Variants in ETS1 observed in about 807,000 individuals in gnomAD.
The protein encoded by ETS1 is ETS proto-oncogene 1, transcription factor.
In ETS1, 15 loss-of-function variants were observed where a neutral mutation model predicts 58.6. That is an observed-to-expected ratio of 0.26 (90% CI 0.17 to 0.39). The LOEUF is 0.39. Ranked by LOEUF, ETS1 falls within the 10% of genes least tolerant of loss-of-function variation. ETS1 has a pLI of 1.00. For missense variants in ETS1, 417 were observed against 610.5 expected (o/e 0.68, Z 3.34); for synonymous variants, 214 against 218.2 (o/e 0.98, Z 0.17).
rs1436364938 is a variant in ETS1 at position 128,460,460 on chromosome 11, A to C, written c.*1901T>G. On this transcript the variant is annotated 3_prime_UTR_variant, in exon 10 of 10. Transcript: ENST00000392668. ...AAAGATATGCTAGAAAGTAGTTAGT[A>C]CTTCCAATTTCTCATCCAAATCCCA... is the stretch of plus-strand genomic sequence containing the variant. The C allele has an allele frequency of 6.6e-6, 1 of 152,596 alleles. No homozygotes were observed. The highest frequency in any genetic ancestry group is 1.5e-5 in the Non-Finnish European group (1 of 68,046). The allele number at this position is 152,596 out of a possible 1,614,324, so 9.5% of individuals were successfully genotyped here.
At chr11:128,515,633 A>G (rs1863503312) in intron 3 of ETS1, among the ~76,000 whole-genome samples, 1 of 152,168 alleles carries the variant, frequency 6.6e-6, no homozygotes, top group Non-Finnish European at 1.5e-5. Context: ...AGCCCCAGTT[A>G]ATGTCTGTCA....
intron 3 of ETS1, among the ~76,000 whole-genome samples, chr11:128,533,962 T>A (rs1863936497): frequency 6.6e-6 from 1 of 152,226 alleles, no homozygotes; most frequent in South Asian, 2.1e-4. Flanking sequence ...TTATACCAAA[T>A]GTGATCTAAG....
rs1032202209 is a variant in ETS1, at chr11:128,464,611, G to A, written c.1124-984C>T. On this transcript the variant is annotated intron_variant, in intron 8 of 9. Coordinates refer to ENST00000392668, the MANE Select transcript of ETS1 (RefSeq NM_001143820.2). The surrounding 1 kb of genome is among the most constrained non-coding windows in gnomAD (Gnocchi z 4.1). ...CCTTATAACATAAACAAACTGGGCA[G>A]AGCGGGACTGGGAAAGACCCAGTCC... Among the ~76,000 whole-genome samples, 1 of 152,140 alleles carries A rather than the reference G, an allele frequency of 6.6e-6. No homozygotes were observed. Among genetic ancestry groups the A allele is most frequent in the Non-Finnish European group, 1.5e-5 (1 of 68,022 alleles).
At chr11:128,471,628 G>C (rs1002631717) in intron 8 of ETS1, among the ~76,000 whole-genome samples, 1 of 152,170 alleles carries the variant, frequency 6.6e-6, no homozygotes, top group African/African-American at 2.4e-5. Context: ...CTAGGTAACC[G>C]GTTCTTTTAA....
At chr11:128,501,255 G>A (rs1241584367) in intron 3 of ETS1, among the ~76,000 whole-genome samples, 1 of 152,058 alleles carries the variant, frequency 6.6e-6, no homozygotes, top group Non-Finnish European at 1.5e-5. Flanking sequence ...GGTGAACATC[G>A]TGCTTCTCAG....
chr11:128,565,058 A>AAATAAATAAAAT (rs374454292), intron 2 of ETS1, among the ~76,000 whole-genome samples: 3 of 142,856 alleles, frequency 2.1e-5, no homozygotes, highest in Non-Finnish European at 4.7e-5. Flanking sequence ...ATAAATAAAT[A>AAATAAATAAAAT]AAATAAATGT....
In ETS1 at chr11:128,463,807, C is replaced by T. The variant is rs1399487432; in HGVS notation, c.1124-180G>A. On this transcript the variant is annotated intron_variant, in intron 8 of 9. Transcript: ENST00000392668. The surrounding 1 kb of genome is among the most constrained non-coding windows in gnomAD (Gnocchi z 4.1). ...TATGAGCTCGAACAGATAGAAAAGA[C>T]AAAGGCCTCCCTATAAAACAAAAGC... 4.3e-6 allele frequency: 2 copies of T among 468,256 alleles called. No individual in the cohort carries two copies. The highest frequency in any genetic ancestry group is 4.0e-5 in the African/African-American group (2 of 50,622). The allele number at this position is 468,256 out of a possible 1,614,324, so 29.0% of individuals were successfully genotyped here.
intron 1 of ETS1, among the ~76,000 whole-genome samples, chr11:128,579,526 T>C (rs1033767722): frequency 6.6e-6 from 1 of 151,888 alleles, no homozygotes; most frequent in African/African-American, 2.4e-5. Flanking sequence ...CCAGGTGTGG[T>C]GGTACATGCC....
intron 3 of ETS1, among the ~76,000 whole-genome samples, chr11:128,541,174 T>C (rs531605705): frequency 6.6e-6 from 1 of 152,322 alleles, no homozygotes; most frequent in South Asian, 2.1e-4. Context: ...GCAGCTTGGC[T>C]GTGTCCGTCT....
intron 8 of ETS1, among the ~76,000 whole-genome samples, chr11:128,472,440 G>A (rs1288090694): frequency 2.6e-5 from 4 of 152,170 alleles, no homozygotes; most frequent in Admixed American, 6.5e-5. Flanking sequence ...AGCCCATCAC[G>A]GACTACTGAG....
intron 3 of ETS1, among the ~76,000 whole-genome samples, chr11:128,491,039 G>A (rs1005944231): frequency 1.3e-5 from 2 of 151,920 alleles, no homozygotes; most frequent in Admixed American, 6.6e-5. Flanking sequence ...ACATTTAAGG[G>A]GCTTTCCACA....
In ETS1 at chr11:128,463,202, G is replaced by A. The variant is rs1450785006; in HGVS notation, c.1242+307C>T. Reference sequence around the variant, plus strand: ...GTCTGGCCCCTTTCACACTCACAGAGCCACCGGGCTAGGAAGAGGCTAAGT... The same window carrying A: ...GTCTGGCCCCTTTCACACTCACAGAACCACCGGGCTAGGAAGAGGCTAAGT... On this transcript the variant is annotated intron_variant, in intron 9 of 9. Coordinates refer to ENST00000392668, the MANE Select transcript of ETS1 (RefSeq NM_001143820.2). The surrounding 1 kb of genome is among the most constrained non-coding windows in gnomAD (Gnocchi z 4.1). 6.6e-6 allele frequency among the ~76,000 whole-genome samples: 1 copy of A among 152,186 alleles called. No individual in the cohort carries two copies. Among genetic ancestry groups the A allele is most frequent in the African/African-American group, 2.4e-5 (1 of 41,426 alleles).
rs1336281149 is a variant in ETS1, at chr11:128,461,306, A to G, written c.*1055T>C. 6.5e-6 allele frequency: 1 copy of G among 152,818 alleles called. No homozygotes were observed. The highest frequency in any genetic ancestry group is 1.5e-5 in the Non-Finnish European group (1 of 68,044). The allele number at this position is 152,818 out of a possible 1,614,324, so 9.5% of individuals were successfully genotyped here. On this transcript the variant is annotated 3_prime_UTR_variant, in exon 10 of 10. Transcript: ENST00000392668. ...GCTTTTATTCCAAGTCATCTATGCT[A>G]CAGATATAGGACTAAGAAAGAACCA...
Position 128,464,775 on chromosome 11 carries a change from C to T in ETS1, c.1124-1148G>A, listed in dbSNP as rs1861989849. Among the ~76,000 whole-genome samples the T allele has an allele frequency of 6.6e-6, 1 of 152,128 alleles. No homozygotes were observed. Among genetic ancestry groups the T allele is most frequent in the South Asian group, 2.1e-4 (1 of 4,824 alleles). ...TTAACAGGAAACAAACTTTAAGTTC[C>T]CTCTCAATCTAAAAAAGAAATTGCC... is the stretch of plus-strand genomic sequence containing the variant. On this transcript the variant is annotated intron_variant, in intron 8 of 9. Coordinates refer to ENST00000392668, the MANE Select transcript of ETS1 (RefSeq NM_001143820.2). This position sits in a 1 kb window ranked among gnomAD's most constrained non-coding sequence, Gnocchi z 4.1.
At chr11:128,497,538 A>T in intron 3 of ETS1, 1 of 970,092 alleles carries the variant, frequency 1.0e-6, no homozygotes, top group Non-Finnish European at 1.2e-6. Flanking sequence ...TTAACACATT[A>T]TTACCACTGA....
At chr11:128,532,725 GTTC>G (rs1863917478) in intron 3 of ETS1, among the ~76,000 whole-genome samples, 1 of 151,730 alleles carries the variant, frequency 6.6e-6, no homozygotes, top group Non-Finnish European at 1.5e-5. Flanking sequence ...TACTGTTCTT[GTTC>G]TTCTTTTCTC....
At chr11:128,551,678 C>T (rs1565406769) in intron 3 of ETS1, among the ~76,000 whole-genome samples, 3 of 152,292 alleles carry the variant, frequency 2.0e-5, no homozygotes, top group Non-Finnish European at 2.9e-5. Flanking sequence ...TGTATTTTCT[C>T]AGTATCCCGG....
At chr11:128,583,015 G>C (rs909004805) in intron 1 of ETS1, among the ~76,000 whole-genome samples, 59 of 152,098 alleles carry the variant, frequency 3.9e-4, no homozygotes, top group African/African-American at 1.4e-3. Context: ...CTCCCAAACT[G>C]TAATGTGCAT....
At chr11:128,585,184 AAGAAGGAAG>A (rs1864994268) in intron 1 of ETS1, among the ~76,000 whole-genome samples, 4 of 51,282 alleles carry the variant, frequency 7.8e-5, no homozygotes, top group African/African-American at 4.1e-4. Flanking sequence ...GAAAGAAAGA[AAGAAGGAAG>A]GAAAGAAAGA....
Sources: gnomAD v4.1 joint callset for allele counts (sites outside exome capture counted in the v4.1 genomes callset) on GRCh38, gnomAD v4.1.1 for gene constraint, Gnocchi (gnomAD v3.1) non-coding constraint, MANE v1.5 for transcripts, NCBI Gene and HGNC (gene_info 2026-07-23, HGNC 2026-07-21) for gene names.